The following FOXP2 variants were observed in gnomAD, a reference collection of about 807,000 sequenced individuals.
The protein encoded by FOXP2 is forkhead box protein P2.
In FOXP2, 12 loss-of-function variants were observed where a neutral mutation model predicts 115.8. The ratio of observed to expected loss-of-function variants is 0.10; its 90% CI spans 0.07 to 0.17. The LOEUF (loss-of-function observed/expected upper bound fraction) is 0.17, where lower values mean the gene tolerates loss of function less well. FOXP2 is among the 10% of genes least tolerant of loss of function. The pLI is 1.00. For synonymous variants in FOXP2, 328 were observed against 297.7 expected (o/e 1.10, Z -1.05); for missense variants, 629 against 843.5 (o/e 0.75, Z 3.15).
chr7:114,693,754 C>A lies in FOXP2; in HGVS notation c.*3828C>A, dbSNP rs1329417981. 3.2e-6 allele frequency: 1 copy of A among 316,498 alleles called. No individual in the cohort carries two copies. Among genetic ancestry groups the A allele is most frequent in the East Asian group, 8.4e-5 (1 of 11,894 alleles). The allele number at this position is 316,498 out of a possible 1,614,324, so 19.6% of individuals were successfully genotyped here. ...GAAGTATAAATAAAAAAATCTAATTCTTTTTGACCCATTTATAACCAATAG... is the reference window on the plus strand; with the variant it reads ...GAAGTATAAATAAAAAAATCTAATTATTTTTGACCCATTTATAACCAATAG... On this transcript the variant is annotated 3_prime_UTR_variant, in exon 17 of 17. Transcript: ENST00000350908.
intron 2 of FOXP2, among the ~76,000 whole-genome samples, chr7:114,349,941 G>C (rs1188754237): frequency 1.3e-5 from 2 of 151,950 alleles, no homozygotes; most frequent in Non-Finnish European, 2.9e-5. Flanking sequence ...GTTGGACTTT[G>C]GGGTGTCTCT....
chr7:114,563,891 G>T (rs1346855893), intron 3 of FOXP2, among the ~76,000 whole-genome samples: 1 of 150,344 alleles, frequency 6.7e-6, no homozygotes, highest in African/African-American at 2.4e-5. Context: ...TCTCACTCAG[G>T]TAATCGTCAA....
At chr7:114,601,234 G>C (rs902566246) in intron 3 of FOXP2, among the ~76,000 whole-genome samples, 2 of 152,078 alleles carry the variant, frequency 1.3e-5, no homozygotes, top group Non-Finnish European at 2.9e-5. Flanking sequence ...CCAAAGTGCT[G>C]GGATTACAGG....
chr7:114,090,166 G>A (rs1253592501), intron 1 of FOXP2, among the ~76,000 whole-genome samples: 1 of 151,836 alleles, frequency 6.6e-6, no homozygotes, highest in African/African-American at 2.4e-5. Flanking sequence ...GAATTAAATT[G>A]GAAAGAGGCC....
rs541133376 is a variant in FOXP2 at position 114,481,252 on chromosome 7, A to G, written c.169-53365A>G. 6.6e-5 allele frequency among the ~76,000 whole-genome samples: 10 copies of G among 151,298 alleles called. No homozygotes were observed. In the East Asian group the frequency reaches 1.9e-3, roughly 29 times the overall value. ...CTTGCCCTCCTGCCCCCTCATGTACATATTTTAAATTATCTGTATACATTT... is the reference window on the plus strand; with the variant it reads ...CTTGCCCTCCTGCCCCCTCATGTACGTATTTTAAATTATCTGTATACATTT... On this transcript the variant is annotated intron_variant, in intron 2 of 16. Transcript: ENST00000350908.
At chr7:114,257,339 C>T (rs998825611) in intron 1 of FOXP2, among the ~76,000 whole-genome samples, 1 of 151,988 alleles carries the variant, frequency 6.6e-6, no homozygotes, top group East Asian at 1.9e-4. Context: ...ACTATAAAAA[C>T]CCTAGAAGAA....
At chr7:114,177,643 T>C (rs902670296) in intron 1 of FOXP2, among the ~76,000 whole-genome samples, 1 of 152,076 alleles carries the variant, frequency 6.6e-6, no homozygotes, top group African/African-American at 2.4e-5. Flanking sequence ...GTATGAGTTT[T>C]AGACAATAAC....
At chr7:114,214,434 G>A (rs1268099924) in intron 1 of FOXP2, among the ~76,000 whole-genome samples, 5 of 152,138 alleles carry the variant, frequency 3.3e-5, no homozygotes, top group Admixed American at 1.3e-4. Flanking sequence ...ATCTGCAACT[G>A]AGATTTTAGA....
chr7:114,285,092 C>T (rs183790704), intron 1 of FOXP2, among the ~76,000 whole-genome samples: 105 of 152,172 alleles, frequency 6.9e-4, no homozygotes, highest in African/African-American at 2.4e-3. Context: ...GGCTCAATAC[C>T]TGCATGACAA....
chr7:114,540,441 G>A (rs1164762739), intron 3 of FOXP2, among the ~76,000 whole-genome samples: 1 of 151,946 alleles, frequency 6.6e-6, no homozygotes, highest in Non-Finnish European at 1.5e-5. Flanking sequence ...GTGGAGCAAA[G>A]GAGATTTGGA....
At chr7:114,643,239 G>C (rs1215777823) in intron 7 of FOXP2, among the ~76,000 whole-genome samples, 2 of 152,016 alleles carry the variant, frequency 1.3e-5, no homozygotes, top group Admixed American at 1.3e-4. Flanking sequence ...ATATTTTTAT[G>C]ACTGATATGA....
intron 1 of FOXP2, among the ~76,000 whole-genome samples, chr7:114,192,334 T>A (rs549484829): frequency 2.8e-4 from 43 of 152,274 alleles, no homozygotes; most frequent in African/African-American, 1.0e-3. Context: ...TATTGTTGAA[T>A]AACATTTCAT....
intron 1 of FOXP2, among the ~76,000 whole-genome samples, chr7:114,186,633 C>T (rs181150714): frequency 6.6e-6 from 1 of 152,244 alleles, no homozygotes; most frequent in East Asian, 1.9e-4. Flanking sequence ...GTGTTACACT[C>T]TGGCAGCTCT....
intron 4 of FOXP2, among the ~76,000 whole-genome samples, chr7:114,629,254 C>G (rs1804760128): frequency 6.6e-6 from 1 of 152,044 alleles, no homozygotes; most frequent in African/African-American, 2.4e-5. Flanking sequence ...TATCGGAACC[C>G]TGAGTGTATA....
intron 2 of FOXP2, among the ~76,000 whole-genome samples, chr7:114,434,438 T>TGG (rs11350392): frequency 6.1e-5 from 8 of 131,500 alleles, no homozygotes; most frequent in Non-Finnish European, 3.3e-5. Flanking sequence ...TTAATATATA[T>TGG]GGGGGGGGGG....
chr7:114,542,957 A>T (rs1799749233), intron 3 of FOXP2, among the ~76,000 whole-genome samples: 1 of 151,158 alleles, frequency 6.6e-6, no homozygotes, highest in South Asian at 2.1e-4. Context: ...TGCCCAACTA[A>T]TTTTTGTATA....
chr7:114,456,851 A>G (rs1795330780), intron 2 of FOXP2, among the ~76,000 whole-genome samples: 2 of 152,194 alleles, frequency 1.3e-5, no homozygotes, highest in South Asian at 4.1e-4. Context: ...CTTAAAAAGA[A>G]GGAAATCCTG....
At chr7:114,659,521 C>G (rs1196640607) in intron 12 of FOXP2, 51 bp from the exon 13 acceptor site, 2 of 1,580,270 alleles carry the variant, frequency 1.3e-6, no homozygotes, top group Non-Finnish European at 8.7e-7. Flanking sequence ...GTCATCTAGT[C>G]TAGTTAGTAA....
intron 3 of FOXP2, among the ~76,000 whole-genome samples, chr7:114,597,524 A>T (rs1321604150): frequency 6.6e-6 from 1 of 152,134 alleles, no homozygotes; most frequent in Non-Finnish European, 1.5e-5. Context: ...ACATTCAGGC[A>T]TCACCATAAA....
Sources: allele counts gnomAD v4.1 joint callset (sites outside exome capture counted in the v4.1 genomes callset), GRCh38; gene constraint gnomAD v4.1.1; transcripts MANE v1.5; gene names NCBI Gene and HGNC (gene_info 2026-07-23, HGNC 2026-07-21).